TMEM129: variants seen among roughly 807,000 people sequenced by gnomAD.
TMEM129 encodes E3 ubiquitin-protein ligase TM129.
Under a neutral mutation model 34.1 loss-of-function variants are expected in TMEM129, and 35 were observed. That is an observed-to-expected ratio of 1.03 (90% CI 0.78 to 1.36). The LOEUF (loss-of-function observed/expected upper bound fraction) is 1.36, where lower values mean the gene tolerates loss of function less well. Ranked by LOEUF, TMEM129 falls within the 40% of genes most tolerant of loss-of-function variation. The pLI, the probability that TMEM129 is intolerant of heterozygous loss-of-function variation, is 0.00. For missense variants in TMEM129, 504 were observed against 512.6 expected, an observed-to-expected ratio of 0.98 and a Z score of 0.16; for synonymous variants, 239 against 217.3, an observed-to-expected ratio of 1.10 and a Z score of -0.88.
At chr4:1,719,611 C>T (rs1452105060) in intron 1 of TMEM129, among the ~76,000 whole-genome samples, 2 of 152,242 alleles carry the variant, frequency 1.3e-5, no homozygotes, top group Non-Finnish European at 2.9e-5. Context: ...GCTTGACATC[C>T]GACTGTGAGG....
chr4:1,719,243 AACATG>A, intron 1 of TMEM129: 1 of 459,676 alleles, frequency 2.2e-6, no homozygotes, highest in Non-Finnish European at 4.4e-6. Context: ...ATTTCAAGGT[AACATG>A]ACATATAACA....
Position 1,717,344 on chromosome 4 carries a change from A to C in TMEM129, c.925T>G (p.Cys309Gly), listed in dbSNP as rs1344867220. The C allele has an allele frequency of 6.5e-7, 1 of 1,535,928 alleles. No homozygotes were observed. Among genetic ancestry groups the C allele is most frequent in the Non-Finnish European group, 8.8e-7 (1 of 1,135,564 alleles). Residue 309 changes from cysteine to glycine, a missense_variant, in exon 4 of 4, where the codon TGC (cysteine) becomes GGC (glycine). Coordinates refer to ENST00000382936, the MANE Select transcript of TMEM129 (RefSeq NM_001127266.2). The part of the protein sequence containing the change: ...KTCQEAATGE[C>G]QQCYCRPMWC... ...ATGGGGCGGCAGTAACACTGCTGGC[A>C]CTCGCCTGTGGCTGCCTCCTGGCAG...
At chr4:1,719,474 A>C in intron 1 of TMEM129, among the ~76,000 whole-genome samples, 1 of 152,200 alleles carries the variant, frequency 6.6e-6, no homozygotes, top group Non-Finnish European at 1.5e-5. Context: ...AGCCGAGATC[A>C]TGCCACTGCA....
intron 1 of TMEM129, chr4:1,718,992 T>TGAG (rs1267759067): frequency 2.4e-6 from 3 of 1,267,152 alleles, no homozygotes; most frequent in Non-Finnish European, 3.1e-6. Context: ...TCACCCGCTC[T>TGAG]GAGGAGGCTG....
chr4:1,718,214 G>C lies in TMEM129; in HGVS notation c.618C>G (p.Pro206=). The C allele has an allele frequency of 6.3e-7, 1 of 1,596,336 alleles. No individual in the cohort carries two copies. The highest frequency in any genetic ancestry group is 8.5e-7 in the Non-Finnish European group (1 of 1,171,492). The change falls in exon 2 of 4, where the codon CCC becomes CCG. Residue 206 remains proline (P), a synonymous_variant. Transcript: ENST00000382936. The stretch of plus-strand genomic sequence containing the variant: ...CCACACGGATGGTGAGGAGCTGCAC[G>C]GGCAAGTTCGAGTCTGGCGAGAGCT... ...QHELSPDSNL[P]VQLLTIRVAS...
rs984879477 is a variant in TMEM129 at position 1,717,525 on chromosome 4, G to A, written c.831C>T (p.Pro277=). 6.5e-7 allele frequency: 1 copy of A among 1,527,674 alleles called. No individual in the cohort carries two copies. Among genetic ancestry groups the A allele is most frequent in the Non-Finnish European group, 8.8e-7 (1 of 1,131,978 alleles). The allele number at this position is 1,527,674 out of a possible 1,614,324, so 94.6% of individuals were successfully genotyped here. A position where few individuals can be genotyped will look rare whatever the true frequency, so the allele number is the denominator to read the frequency against. Residue 277 remains proline, a synonymous_variant, in exon 3 of 4, where the codon CCC becomes CCT. Transcript: ENST00000382936. ...GGCCCAGGCCCCCCACCTGGCTGCT[G>A]GGCACTGAGTAGGCCGGGTTGACCT... The part of the protein sequence containing the change: ...LVEVNPAYSV[P]SSQELEACIG...
At chr4:1,719,087 A>C in intron 1 of TMEM129, 2 of 1,279,856 alleles carry the variant, frequency 1.6e-6, no homozygotes, top group Non-Finnish European at 2.0e-6. Flanking sequence ...TGTCCAGAGG[A>C]CACGGAGCCA....
chr4:1,717,734 C>T, intron 2 of TMEM129, 59 bp from the exon 3 acceptor site: 2 of 1,455,684 alleles, frequency 1.4e-6, no homozygotes, highest in Non-Finnish European at 9.1e-7. Flanking sequence ...AAGATGGAGG[C>T]TACACCCCAA....
chr4:1,719,625 G>C (rs1025389152), intron 1 of TMEM129, among the ~76,000 whole-genome samples: 1 of 152,250 alleles, frequency 6.6e-6, no homozygotes, highest in South Asian at 2.1e-4. Flanking sequence ...TGTGAGGCCA[G>C]CTGTGCTGTC....
chr4:1,717,846 C>T (rs1399142763), intron 2 of TMEM129, 171 bp from the exon 3 acceptor site: 14 of 905,558 alleles, frequency 1.5e-5, no homozygotes, highest in East Asian at 2.7e-5. Flanking sequence ...GGGCACGGGA[C>T]GGACCTAGGA....
rs369001628 is a variant in TMEM129 at position 1,720,851 on chromosome 4, G to A, written c.-14C>T. On this transcript the variant is annotated 5_prime_UTR_variant, in exon 1 of 4. Transcript: ENST00000382936. This position sits in a 1 kb window ranked among gnomAD's most constrained non-coding sequence, Gnocchi z 4.4. ...GGGGCTGTCCATCGCGCAGCCGCCGGGAAGCTGTCGAGCTAGGCCCCCGCC... is the reference window on the plus strand; with the variant it reads ...GGGGCTGTCCATCGCGCAGCCGCCGAGAAGCTGTCGAGCTAGGCCCCCGCC... 1 of 1,563,588 alleles carries A rather than the reference G, an allele frequency of 6.4e-7. No individual in the cohort carries two copies. Among genetic ancestry groups the A allele is most frequent in the East Asian group, 2.4e-5 (1 of 41,178 alleles).
intron 1 of TMEM129, chr4:1,719,364 C>T (rs1717154071): frequency 2.7e-6 from 1 of 376,322 alleles, no homozygotes; most frequent in Admixed American, 3.2e-5. Context: ...TCCTGGCTAA[C>T]ACGGTGAAAC....
At position 1,717,149 on chromosome 4, in the gene TMEM129, GAC is replaced by G. The variant is rs1717001307; in HGVS notation, c.*29_*30del. 27 of 1,409,986 alleles carry G rather than the reference GAC, an allele frequency of 1.9e-5. No homozygotes were observed. Among genetic ancestry groups the G allele is most frequent in the Non-Finnish European group, 2.5e-5 (27 of 1,081,066 alleles). The allele number at this position is 1,409,986 out of a possible 1,614,324, so 87.3% of individuals were successfully genotyped here. ...TCCCTGCCCTGTGGCTTTGGGGGGAGACACAGAGTCACCTCAAGGCCCCAGCC... is the reference window on the plus strand; with the variant it reads ...TCCCTGCCCTGTGGCTTTGGGGGGAGACAGAGTCACCTCAAGGCCCCAGCC... On this transcript the variant is annotated 3_prime_UTR_variant, in exon 4 of 4. Transcript: ENST00000382936.
rs1716996112 is a variant in TMEM129, at chr4:1,717,081, T to G, written c.*99A>C. ...GGCGAGTTGCTCTACATCATGTGCT[T>G]TAAGTAGAGCCCTTTGCCAGCCAGG... is the stretch of plus-strand genomic sequence containing the variant. On this transcript the variant is annotated 3_prime_UTR_variant, in exon 4 of 4. Transcript: ENST00000382936. 7 of 1,353,348 alleles carry G rather than the reference T, an allele frequency of 5.2e-6. No homozygotes were observed. The highest frequency in any genetic ancestry group is 5.4e-4 in the Middle Eastern group (2 of 3,694). The allele number at this position is 1,353,348 out of a possible 1,614,324, so 83.8% of individuals were successfully genotyped here. A position where few individuals can be genotyped will look rare whatever the true frequency, so the allele number is the denominator to read the frequency against.
At position 1,717,023 on chromosome 4, in the gene TMEM129, A is replaced by G. The variant is rs1195410172; in HGVS notation, c.*157T>C. 3.0e-6 allele frequency: 3 copies of G among 992,736 alleles called. No homozygotes were observed. Among genetic ancestry groups the G allele is most frequent in the Non-Finnish European group, 4.0e-6 (3 of 756,480 alleles). The allele number at this position is 992,736 out of a possible 1,614,324, so 61.5% of individuals were successfully genotyped here. On this transcript the variant is annotated 3_prime_UTR_variant, in exon 4 of 4. Coordinates refer to ENST00000382936, the MANE Select transcript of TMEM129 (RefSeq NM_001127266.2). ...TTTTCATGAGGATTGCTTTTAACCA[A>G]AAGTCCTCAGCCTTCTGCAGACCCA...
Position 1,717,422 on chromosome 4 carries a change from C to G in TMEM129, c.847G>C (p.Glu283Gln), listed in dbSNP as rs768916395. The change falls in exon 4 of 4, where the codon GAG (glutamate) becomes CAG (glutamine). Residue 283 changes from glutamate to glutamine, a missense_variant. Physicochemically the swap from Glu to Gln is conservative, Grantham distance 29. Coordinates refer to ENST00000382936, the MANE Select transcript of TMEM129 (RefSeq NM_001127266.2). ...AYSVPSSQELEACIGCMQTRA... is the reference protein window; with the variant it reads ...AYSVPSSQELQACIGCMQTRA... ...GTCTGCATGCAGCCTATGCAGGCCT[C>G]CAGCTCCTGCGGGCAGGTGGAGCGT... 6.6e-6 allele frequency: 10 copies of G among 1,514,600 alleles called. No individual in the cohort carries two copies. In the South Asian group the frequency reaches 1.2e-4, roughly 18 times the overall value. The allele number at this position is 1,514,600 out of a possible 1,614,324, so 93.8% of individuals were successfully genotyped here. A position where few individuals can be genotyped will look rare whatever the true frequency, so the allele number is the denominator to read the frequency against.
rs767078157 is a variant in TMEM129 at position 1,720,839 on chromosome 4, G to C, written c.-2C>G. 1 of 1,573,016 alleles carries C rather than the reference G, an allele frequency of 6.4e-7. No individual in the cohort carries two copies. The highest frequency in any genetic ancestry group is 8.6e-7 in the Non-Finnish European group (1 of 1,161,080). ...GAAGGTCACCTCGGGGCTGTCCATC[G>C]CGCAGCCGCCGGGAAGCTGTCGAGC... is the stretch of plus-strand genomic sequence containing the variant. On this transcript the variant is annotated 5_prime_UTR_variant, in exon 1 of 4. Coordinates refer to ENST00000382936, the MANE Select transcript of TMEM129 (RefSeq NM_001127266.2). The surrounding 1 kb of genome is among the most constrained non-coding windows in gnomAD (Gnocchi z 4.4).
At chr4:1,718,090 A>G (rs712983) in intron 2 of TMEM129, 62 bp downstream of exon 2, 266,229 of 1,428,122 alleles carry the variant, frequency 0.19, 26,283 homozygotes, top group Non-Finnish European at 0.2. Context: ...GGGTCGTGGC[A>G]CCAGAGCCTG....
chr4:1,718,987 C>T (rs913817005), intron 1 of TMEM129: 6 of 1,258,816 alleles, frequency 4.8e-6, no homozygotes, highest in African/African-American at 1.5e-5. Flanking sequence ...CAATCTCACC[C>T]GCTCTGAGGA....
Sources: gnomAD v4.1 joint callset for allele counts (sites outside exome capture counted in the v4.1 genomes callset) on GRCh38, gnomAD v4.1.1 for gene constraint, Gnocchi (gnomAD v3.1) non-coding constraint, MANE v1.5 for transcripts, NCBI Gene and HGNC (gene_info 2026-07-23, HGNC 2026-07-21) for gene names.